The following PRMT7 variants were observed in gnomAD, a reference collection of about 807,000 sequenced individuals.
PRMT7 encodes protein arginine N-methyltransferase 7.
Under a neutral mutation model 85.4 loss-of-function variants are expected in PRMT7, and 75 were observed. The observed-to-expected ratio is 0.88, with a 90% confidence interval of 0.73 to 1.06. PRMT7 has a LOEUF of 1.06. PRMT7 is among the 50% of genes least tolerant of loss of function. The pLI, the probability that PRMT7 is intolerant of heterozygous loss-of-function variation, is 0.00. For synonymous variants in PRMT7, 397 were observed against 359.5 expected, an observed-to-expected ratio of 1.10 and a Z score of -1.18; for missense variants, 868 against 915.2, an observed-to-expected ratio of 0.95 and a Z score of 0.67.
intron 3 of PRMT7, chr16:68,317,043 G>A (rs1158516325): frequency 6.6e-6 from 1 of 151,820 alleles, no homozygotes; most frequent in African/African-American, 2.4e-5. Flanking sequence ...AGGAGTTCGA[G>A]ACCAGCCTGG....
rs1200703192 is a variant in PRMT7, at chr16:68,357,624, TCTCA to T, written c.*404_*407del. 6.0e-6 allele frequency: 1 copy of T among 167,792 alleles called. No individual in the cohort carries two copies. Among genetic ancestry groups the T allele is most frequent in the Non-Finnish European group, 1.2e-5 (1 of 80,414 alleles). The allele number at this position is 167,792 out of a possible 1,614,324, so 10.4% of individuals were successfully genotyped here. ...CCGTGGCGGGAGCCTGTCCTGTCTG[TCTCA>T]CTCTCGAGGATCTCCGGGTCCCTGC... On this transcript the variant is annotated 3_prime_UTR_variant, in exon 19 of 19. Transcript: ENST00000441236.
In PRMT7 at chr16:68,346,168, G is replaced by A. The variant is rs145640515; in HGVS notation, c.1079G>A (p.Arg360His). 2,033 of 1,613,920 alleles carry A rather than the reference G, an allele frequency of 1.3e-3. 10 individuals carry two copies. The highest frequency in any genetic ancestry group is 1.5e-3 in the Non-Finnish European group (1,715 of 1,180,022). The change falls in exon 11 of 19, where the codon CGC becomes CAC. Residue 360 changes from arginine to histidine, a missense_variant. By Grantham distance (29) the Arg-to-His change is conservative (BLOSUM62 0). Coordinates refer to ENST00000441236, the MANE Select transcript of PRMT7 (RefSeq NM_019023.5). Reference sequence around the variant, plus strand: ...AGCCCTGAAAAGAATGAGAGAGTCCGCCAGATGCGCCCCGTGTGTGACTGC... The same window carrying A: ...AGCCCTGAAAAGAATGAGAGAGTCCACCAGATGCGCCCCGTGTGTGACTGC... Reference protein sequence around the residue: ...RTSPEKNERVRQMRPVCDCQA... With the variant: ...RTSPEKNERVHQMRPVCDCQA...
chr16:68,312,530 C>A (rs967970827), intron 2 of PRMT7, among the ~76,000 whole-genome samples: 11 of 152,116 alleles, frequency 7.2e-5, no homozygotes, highest in African/African-American at 2.7e-4. Flanking sequence ...GCCACCACCG[C>A]CTAGCAAATA....
intron 14 of PRMT7, 136 bp from the exon 15 acceptor site, chr16:68,352,112 C>G: frequency 1.2e-6 from 1 of 867,620 alleles, no homozygotes; most frequent in Non-Finnish European, 1.8e-6. Context: ...GAGTGAGTGA[C>G]TGAGTGAGGG....
downstream of PRMT7, chr16:68,360,691 G>A (rs868757890): frequency 1.3e-5 from 2 of 156,128 alleles, no homozygotes; most frequent in Middle Eastern, 3.1e-3. Context: ...GCTGGTGGCC[G>A]TGCCCAGGAA....
At chr16:68,352,069 G>GGGA (rs2087462129) in intron 14 of PRMT7, 179 bp from the exon 15 acceptor site, 5 of 612,902 alleles carry the variant, frequency 8.2e-6, no homozygotes, top group Non-Finnish European at 1.4e-5. Context: ...TGTTGACTGA[G>GGGA]GGAGGGAGGG....
At chr16:68,316,570 A>G (rs2081886091) in intron 3 of PRMT7, among the ~76,000 whole-genome samples, 1 of 152,146 alleles carries the variant, frequency 6.6e-6, no homozygotes, top group African/African-American at 2.4e-5. Flanking sequence ...GTTCGAGACC[A>G]GCCTGACCAA....
intron 2 of PRMT7, among the ~76,000 whole-genome samples, chr16:68,314,602 T>C (rs1250624088): frequency 6.6e-6 from 1 of 152,236 alleles, no homozygotes; most frequent in Non-Finnish European, 1.5e-5. Flanking sequence ...AAAAAAACTC[T>C]GGCCAATAAA....
At chr16:68,325,937 C>T (rs1421133289) in intron 5 of PRMT7, among the ~76,000 whole-genome samples, 2 of 152,182 alleles carry the variant, frequency 1.3e-5, no homozygotes, top group African/African-American at 4.8e-5. Flanking sequence ...CCTATGGAGT[C>T]AGCTCTCTTA....
chr16:68,350,015 G>A (rs1319686722), intron 14 of PRMT7, among the ~76,000 whole-genome samples: 3 of 152,248 alleles, frequency 2.0e-5, no homozygotes, highest in Non-Finnish European at 2.9e-5. Context: ...TGTGTCTCCA[G>A]TATGTGCCTC....
chr16:68,315,741 A>G (rs1315747888), intron 2 of PRMT7, 156 bp from the exon 3 acceptor site: 3 of 506,020 alleles, frequency 5.9e-6, no homozygotes, highest in Non-Finnish European at 1.1e-5. Flanking sequence ...ATTAACAAAT[A>G]CTATCAGTGG....
intron 15 of PRMT7, 158 bp from the exon 16 acceptor site, chr16:68,353,334 C>T (rs1298713149): frequency 6.2e-6 from 9 of 1,448,502 alleles, no homozygotes; most frequent in Non-Finnish European, 8.2e-6. Flanking sequence ...CAGTCTGTTA[C>T]AGAAACCGTT....
intron 3 of PRMT7, among the ~76,000 whole-genome samples, chr16:68,318,293 G>A (rs2082107343): frequency 6.7e-6 from 1 of 149,886 alleles, no homozygotes; most frequent in Admixed American, 6.7e-5. Context: ...TCCGCCTCCT[G>A]GGTTCACGCC....
chr16:68,324,436 A>G, intron 4 of PRMT7: 1 of 529,744 alleles, frequency 1.9e-6, no homozygotes, highest in Non-Finnish European at 3.4e-6. Context: ...CATGGTTTGC[A>G]GGGCTCTGGC....
chr16:68,349,843 C>T (rs369386572), intron 14 of PRMT7, among the ~76,000 whole-genome samples: 5 of 152,102 alleles, frequency 3.3e-5, no homozygotes, highest in Admixed American at 1.3e-4. Context: ...TGCAGGGAGC[C>T]GTGCTTGTGG....
intron 3 of PRMT7, among the ~76,000 whole-genome samples, chr16:68,318,260 C>A (rs1388022323): frequency 6.7e-6 from 1 of 149,132 alleles, no homozygotes; most frequent in Admixed American, 6.7e-5. Context: ...AGTGCAGTGG[C>A]ACGATCTCTG....
At position 68,353,582 on chromosome 16, in the gene PRMT7, C is replaced by A; in HGVS notation, c.1650+16C>A. ...CATGATTAAGGTAGGCAGGGCCACACTCTGCATAGTACCCCCGACCTGCTC... is the reference window on the plus strand; with the variant it reads ...CATGATTAAGGTAGGCAGGGCCACAATCTGCATAGTACCCCCGACCTGCTC... On this transcript the variant is annotated intron_variant, in intron 16 of 18. Transcript: ENST00000441236. The A allele has an allele frequency of 6.4e-7, 1 of 1,563,558 alleles. No homozygotes were observed.
chr16:68,355,704 G>A lies in PRMT7; in HGVS notation c.1651-19G>A. 1 of 1,545,902 alleles carries A rather than the reference G, an allele frequency of 6.5e-7. No individual in the cohort carries two copies. Among genetic ancestry groups the A allele is most frequent in the African/African-American group, 1.4e-5 (1 of 73,086 alleles). Reference sequence around the variant, plus strand: ...TGCCGGCCTGTCTCTGCAGCCCCCAGGCCCCCTTCTGTTCGCAGCGTGCCC... The same window carrying A: ...TGCCGGCCTGTCTCTGCAGCCCCCAAGCCCCCTTCTGTTCGCAGCGTGCCC... On this transcript the variant is annotated intron_variant, in intron 16 of 18. Transcript: ENST00000441236.
chr16:68,345,742 C>G lies in PRMT7; in HGVS notation c.995C>G (p.Ala332Gly). The change falls in exon 10 of 19, where the codon GCG becomes GGG. Residue 332 changes from alanine to glycine, a missense_variant. Transcript: ENST00000441236. Reference sequence around the variant, plus strand: ...GAGGAGCCTGTGGTGCAGGGCTCAGCGCTCTATCTGGTAGCCCACCACGAT... The same window carrying G: ...GAGGAGCCTGTGGTGCAGGGCTCAGGGCTCTATCTGGTAGCCCACCACGAT... ...PQEEPVVQGS[A>G]LYLVAHHDDY... The G allele has an allele frequency of 6.2e-7, 1 of 1,614,078 alleles. No homozygotes were observed. The highest frequency in any genetic ancestry group is 8.5e-7 in the Non-Finnish European group (1 of 1,180,030).
Sources: allele counts gnomAD v4.1 joint callset (sites outside exome capture counted in the v4.1 genomes callset), GRCh38; gene constraint gnomAD v4.1.1; transcripts MANE v1.5; gene names NCBI Gene and HGNC (gene_info 2026-07-23, HGNC 2026-07-21).